Variants in FOXJ3 observed in about 807,000 individuals in gnomAD.
FOXJ3 encodes the protein forkhead box protein J3.
FOXJ3 carries 22 observed loss-of-function variants against 76.1 expected under a neutral mutation model. That is an observed-to-expected ratio of 0.29 (90% CI 0.21 to 0.41). The LOEUF is 0.41. FOXJ3 is among the 10% of genes least tolerant of loss of function. FOXJ3 has a pLI of 1.00. For synonymous variants in FOXJ3, 269 were observed against 261.2 expected, an observed-to-expected ratio of 1.03 and a Z score of -0.29; for missense variants, 613 against 762.1, an observed-to-expected ratio of 0.80 and a Z score of 2.30.
chr1:42,186,904 C>A (rs186750474), intron 11 of FOXJ3, among the ~76,000 whole-genome samples: 69 of 152,204 alleles, frequency 4.5e-4, no homozygotes, highest in Non-Finnish European at 9.3e-4. Context: ...CTGGAGTGCA[C>A]TGGTGTGATC....
chr1:42,259,492 C>T (rs1650871303), intron 4 of FOXJ3, among the ~76,000 whole-genome samples: 1 of 152,156 alleles, frequency 6.6e-6, no homozygotes, highest in African/African-American at 2.4e-5. Context: ...GAACAGAGAA[C>T]ACTGTATGTC....
In FOXJ3 at chr1:42,315,501, T is replaced by A. The variant is rs533786844; in HGVS notation, c.-17-4391A>T. 2.0e-5 allele frequency: 11 copies of A among 551,378 alleles called. No homozygotes were observed. The East Asian group carries it at 1.3e-3, about 66-fold the overall frequency. 34.2% of individuals were successfully genotyped at this position (551,378 alleles called of 1,614,324 possible). ...TTAGTACCTCCAATAAGTTACCATT[T>A]ACTATCAAATTCTAACTTCTAGTTA... On this transcript the variant is annotated intron_variant, in intron 1 of 12. Coordinates refer to ENST00000361346, the MANE Select transcript of FOXJ3 (RefSeq NM_014947.5).
chr1:42,290,095 C>A (rs1653322215), intron 2 of FOXJ3, among the ~76,000 whole-genome samples: 7 of 151,990 alleles, frequency 4.6e-5, no homozygotes, highest in Non-Finnish European at 8.8e-5. Context: ...AGTTCCTATG[C>A]TGGAGGAGAA....
intron 2 of FOXJ3, among the ~76,000 whole-genome samples, chr1:42,309,432 T>G (rs1654671392): frequency 6.6e-6 from 1 of 152,232 alleles, no homozygotes; most frequent in Admixed American, 6.5e-5. Context: ...CCTTTTTCAG[T>G]GAAGCCTTCC....
chr1:42,285,388 G>A (rs1652986046), intron 2 of FOXJ3, among the ~76,000 whole-genome samples: 1 of 151,742 alleles, frequency 6.6e-6, no homozygotes, highest in South Asian at 2.1e-4. Context: ...GAGGTAAGTA[G>A]AGTACAAATG....
chr1:42,261,304 C>G (rs1328531083), intron 4 of FOXJ3, among the ~76,000 whole-genome samples: 1 of 151,128 alleles, frequency 6.6e-6, no homozygotes, highest in Non-Finnish European at 1.5e-5. Flanking sequence ...AATGTATAGA[C>G]AGGGTAAAAA....
intron 6 of FOXJ3, among the ~76,000 whole-genome samples, chr1:42,203,205 A>G (rs778312566): frequency 9.2e-5 from 14 of 152,160 alleles, no homozygotes; most frequent in Non-Finnish European, 1.9e-4. Context: ...TAAATTTTCT[A>G]TAACTCATCT....
chr1:42,298,367 G>C lies in FOXJ3; in HGVS notation c.44+12683C>G, dbSNP rs1318594024. On this transcript the variant is annotated intron_variant, in intron 2 of 12. Transcript: ENST00000361346. ...TTGTTACTTGTTATTGGTCTGTTCA[G>C]GATTCACATTTCTTCCTGGTTCAAT... 2.0e-5 allele frequency among the ~76,000 whole-genome samples: 3 copies of C among 152,166 alleles called. No homozygotes were observed. The East Asian group carries it at 5.8e-4, about 29-fold the overall frequency.
intron 11 of FOXJ3, among the ~76,000 whole-genome samples, chr1:42,183,542 T>C (rs207460096): frequency 1.3e-5 from 2 of 151,930 alleles, no homozygotes; most frequent in Non-Finnish European, 2.9e-5. Flanking sequence ...CAATAACTCA[T>C]GAGGAATGAT....
At chr1:42,292,197 C>T (rs907074007) in intron 2 of FOXJ3, among the ~76,000 whole-genome samples, 2 of 152,200 alleles carry the variant, frequency 1.3e-5, no homozygotes, top group Non-Finnish European at 2.9e-5. Flanking sequence ...ACTGAGATAT[C>T]ACTACACACC....
rs1646334906 is a variant in FOXJ3, at chr1:42,182,019, A to C, written c.1651T>G (p.Leu551Val). Residue 551 changes from leucine (L) to valine (V), a missense_variant, in exon 12 of 13, where the codon TTG becomes GTG. Coordinates refer to ENST00000361346, the MANE Select transcript of FOXJ3 (RefSeq NM_014947.5). Reference protein sequence around the residue: ...KPSQHIGTGNLYIDSRQNLPP... With the variant: ...KPSQHIGTGNVYIDSRQNLPP... ...AGATTTTGCCTAGAATCTATGTACA[A>C]ATTTCCTAATCAGATTAAAAGCAGA... is the stretch of plus-strand genomic sequence containing the variant. 1 of 1,596,110 alleles carries C rather than the reference A, an allele frequency of 6.3e-7. No homozygotes were observed. The highest frequency in any genetic ancestry group is 8.6e-7 in the Non-Finnish European group (1 of 1,165,428).
chr1:42,234,671 A>C (rs530124485), intron 4 of FOXJ3, among the ~76,000 whole-genome samples: 1 of 152,218 alleles, frequency 6.6e-6, no homozygotes, highest in South Asian at 2.1e-4. Flanking sequence ...TCCACTCCAG[A>C]CCGTTTGCCT....
At chr1:42,328,606 T>C (rs999042847) in intron 1 of FOXJ3, among the ~76,000 whole-genome samples, 2 of 152,014 alleles carry the variant, frequency 1.3e-5, no homozygotes, top group African/African-American at 2.4e-5. Context: ...CCTTTATTAA[T>C]AGTCTCAAGG....
At chr1:42,197,190 T>C (rs1201528704) in intron 7 of FOXJ3, among the ~76,000 whole-genome samples, 1 of 152,152 alleles carries the variant, frequency 6.6e-6, no homozygotes, top group Non-Finnish European at 1.5e-5. Context: ...CATTATCTTC[T>C]GGCATTTAGT....
At chr1:42,335,302 C>CCGGCGTCAG (rs1321859635), upstream of FOXJ3, 6 of 152,194 alleles carry the variant, frequency 3.9e-5, no homozygotes, top group Non-Finnish European at 8.8e-5. Context: ...CGCCGCCGGC[C>CCGGCGTCAG]CGGCGTCAGC....
At chr1:42,198,367 C>G (rs1027775187) in intron 7 of FOXJ3, among the ~76,000 whole-genome samples, 1 of 152,090 alleles carries the variant, frequency 6.6e-6, no homozygotes, top group African/African-American at 2.4e-5. Flanking sequence ...GGGTCCCTCC[C>G]TTTATATCTT....
rs528840154 is a variant in FOXJ3 at position 42,185,896 on chromosome 1, G to A, written c.1645+2841C>T. Reference sequence around the variant, plus strand: ...AGCTCATGGAGGTGTTTACCAAGCGGGTCCTTGAAGACAGGAATGACAGGA... The same window carrying A: ...AGCTCATGGAGGTGTTTACCAAGCGAGTCCTTGAAGACAGGAATGACAGGA... On this transcript the variant is annotated intron_variant, in intron 11 of 12. Coordinates refer to ENST00000361346, the MANE Select transcript of FOXJ3 (RefSeq NM_014947.5). Among the ~76,000 whole-genome samples the A allele has an allele frequency of 1.5e-3, 226 of 152,158 alleles. 1 individual carries two copies. Among genetic ancestry groups the A allele is most frequent in the African/African-American group, 5.3e-3 (220 of 41,452 alleles).
At chr1:42,210,136 G>T (rs146056824) in intron 5 of FOXJ3, among the ~76,000 whole-genome samples, 24 of 152,266 alleles carry the variant, frequency 1.6e-4, no homozygotes, top group African/African-American at 5.8e-4. Context: ...TGCTACACCC[G>T]ATGCCCCATG....
chr1:42,315,361 AT>A (rs575748276), intron 1 of FOXJ3: 4 of 951,358 alleles, frequency 4.2e-6, no homozygotes, highest in Non-Finnish European at 5.0e-6. Context: ...TAAAAAGCTA[AT>A]TTTTTTAAAG....
Sources: gnomAD v4.1 joint callset for allele counts (sites outside exome capture counted in the v4.1 genomes callset) on GRCh38, gnomAD v4.1.1 for gene constraint, MANE v1.5 for transcripts, NCBI Gene and HGNC (gene_info 2026-07-23, HGNC 2026-07-21) for gene names.